The following SEMA3A variants were observed in gnomAD, a reference collection of about 807,000 sequenced individuals.
SEMA3A encodes semaphorin 3A, also known as semaphorin-3A.
In SEMA3A, 29 loss-of-function variants were observed where a neutral mutation model predicts 97.9. That is an observed-to-expected ratio of 0.30 (90% confidence interval 0.22 to 0.40). The LOEUF is 0.40. Among genes scored for constraint, SEMA3A ranks in the 10% least tolerant of loss-of-function variants. The pLI, the probability that SEMA3A is intolerant of heterozygous loss-of-function variation, is 1.00. For missense variants in SEMA3A, 763 were observed against 951.3 expected (o/e 0.80, Z 2.60); for synonymous variants, 321 against 323.7 (o/e 0.99, Z 0.09).
intron 4 of SEMA3A, among the ~76,000 whole-genome samples, chr7:84,086,979 T>C (rs1794401123): frequency 2.0e-5 from 3 of 152,116 alleles, no homozygotes; most frequent in Admixed American, 6.6e-5. Context: ...ATAATTTGGC[T>C]TAATCCCAGT....
At chr7:84,467,788 A>G (rs927592584) in intron 1 of SEMA3A, among the ~76,000 whole-genome samples, 1 of 152,160 alleles carries the variant, frequency 6.6e-6, no homozygotes, top group African/African-American at 2.4e-5. Context: ...TTCCTTTGAT[A>G]GAAAATACCT....
intron 2 of SEMA3A, among the ~76,000 whole-genome samples, chr7:84,345,468 T>C (rs1224350695): frequency 6.6e-6 from 1 of 152,208 alleles, no homozygotes; most frequent in Non-Finnish European, 1.5e-5. Flanking sequence ...AGCTGTTTGA[T>C]AGCACTTTAC....
intron 6 of SEMA3A, 138 bp from the exon 7 acceptor site, chr7:84,014,489 T>C: frequency 1.5e-6 from 1 of 673,190 alleles, no homozygotes; most frequent in Non-Finnish European, 2.5e-6. Context: ...ATTTTGTAGG[T>C]ACATATTAAT....
rs546794022 is a variant in SEMA3A, at chr7:84,050,795, C to T, written c.548-4352G>A. On this transcript the variant is annotated intron_variant, in intron 5 of 16. Transcript: ENST00000265362. ...ATGAAGTCCTTGCCCATGCTTATGT[C>T]CTGAATGGTAATGCCTAGGTTTTCT... Among the ~76,000 whole-genome samples, 97 of 152,120 alleles carry T rather than the reference C, an allele frequency of 6.4e-4. 1 individual carries two copies. In the South Asian group the frequency reaches 0.02, roughly 31 times the overall value.
At chr7:83,998,021 C>G (rs922091246) in intron 12 of SEMA3A, among the ~76,000 whole-genome samples, 1 of 151,912 alleles carries the variant, frequency 6.6e-6, no homozygotes, top group African/African-American at 2.4e-5. Flanking sequence ...CAGGTGTGAG[C>G]CACTGCACAA....
At chr7:84,109,987 C>T (rs539900643) in intron 4 of SEMA3A, among the ~76,000 whole-genome samples, 2 of 152,076 alleles carry the variant, frequency 1.3e-5, no homozygotes, top group East Asian at 1.9e-4. Context: ...GAAAAATATA[C>T]AATCAAAGCT....
chr7:84,465,381 T>C (rs569678734), intron 1 of SEMA3A, among the ~76,000 whole-genome samples: 3 of 152,276 alleles, frequency 2.0e-5, no homozygotes, highest in East Asian at 3.9e-4. Flanking sequence ...CTAAAGAACA[T>C]TGAAAACCAA....
intron 2 of SEMA3A, among the ~76,000 whole-genome samples, chr7:84,310,975 T>C (rs1043869954): frequency 7.0e-6 from 1 of 143,230 alleles, no homozygotes; most frequent in Admixed American, 7.2e-5. Flanking sequence ...GATTTCCAAG[T>C]GATTTTTATT....
chr7:84,414,956 GAACA>G (rs1376826684), intron 1 of SEMA3A, among the ~76,000 whole-genome samples: 4 of 151,634 alleles, frequency 2.6e-5, no homozygotes, highest in Non-Finnish European at 5.9e-5. Flanking sequence ...AAACCATGAG[GAACA>G]AATAAAAAAT....
intron 3 of SEMA3A, among the ~76,000 whole-genome samples, chr7:84,233,240 T>C (rs1287986407): frequency 6.6e-6 from 1 of 151,972 alleles, no homozygotes; most frequent in Non-Finnish European, 1.5e-5. Context: ...TTGTCTTGGG[T>C]AAAATTTATG....
At chr7:84,165,017 G>A (rs1490721134) in intron 1 of SEMA3A, among the ~76,000 whole-genome samples, 1 of 152,058 alleles carries the variant, frequency 6.6e-6, no homozygotes, top group Non-Finnish European at 1.5e-5. Context: ...AGACAATCCT[G>A]AGCAACATGG....
intron 1 of SEMA3A, among the ~76,000 whole-genome samples, chr7:84,467,993 TG>T (rs1282018762): frequency 1.1e-4 from 16 of 152,256 alleles, no homozygotes; most frequent in Admixed American, 3.9e-4. Context: ...CCAAGCAAAA[TG>T]TTTGTTGAAT....
chr7:84,407,791 G>A (rs1804142285), intron 1 of SEMA3A, among the ~76,000 whole-genome samples: 1 of 152,138 alleles, frequency 6.6e-6, no homozygotes, highest in African/African-American at 2.4e-5. Context: ...CGAGCAATGG[G>A]GAAGGGATTC....
intron 6 of SEMA3A, among the ~76,000 whole-genome samples, chr7:84,033,899 A>G (rs577077468): frequency 6.6e-6 from 1 of 152,174 alleles, no homozygotes; most frequent in South Asian, 2.1e-4. Flanking sequence ...GATTTCAGTG[A>G]TTTTACTATG....
At chr7:84,206,161 T>C (rs1357849363) in intron 3 of SEMA3A, among the ~76,000 whole-genome samples, 1 of 152,144 alleles carries the variant, frequency 6.6e-6, no homozygotes, top group East Asian at 1.9e-4. Context: ...AAAAATTACA[T>C]GATTGACACT....
In SEMA3A at chr7:84,405,067, G is replaced by A. The variant is rs1182975090; in HGVS notation, c.-245-33167C>T. On this transcript the variant is annotated intron_variant, in intron 1 of 3. Coordinates refer to the SEMA3A transcript ENST00000424555. ...CAATACTAACCTTAAATGTAAATGGGCTAAATGCTCCAATTAAAAGGCACA... is the reference window on the plus strand; with the variant it reads ...CAATACTAACCTTAAATGTAAATGGACTAAATGCTCCAATTAAAAGGCACA... Among the ~76,000 whole-genome samples the A allele has an allele frequency of 4.6e-5, 7 of 152,198 alleles. 1 individual carries two copies. The highest frequency in any genetic ancestry group is 3.9e-4 in the Admixed American group (6 of 15,278).
rs180962709 is a variant in SEMA3A at position 84,107,230 on chromosome 7, A to G, written c.453+3240T>C. On this transcript the variant is annotated intron_variant, in intron 4 of 16. Coordinates refer to ENST00000265362, the MANE Select transcript of SEMA3A (RefSeq NM_006080.3). ...ACTGTCTCTTTTTTTCAACTTCACC[A>G]ACAGCATAACAGTTTAAATCCAAAG... Among the ~76,000 whole-genome samples, 69 of 152,318 alleles carry G rather than the reference A, an allele frequency of 4.5e-4. 2 individuals are homozygous for G. The East Asian group carries it at 0.012, about 26-fold the overall frequency.
rs1376936153 is a variant in SEMA3A at position 84,001,071 on chromosome 7, T to C, written c.1452+884A>G. Among the ~76,000 whole-genome samples the C allele has an allele frequency of 1.3e-4, 6 of 47,894 alleles. No homozygotes were observed. In the East Asian group the frequency reaches 1.3e-3, roughly 11 times the overall value. The allele number at this position is 47,894 out of a possible 152,430, so 31.4% of individuals were successfully genotyped here. A position where few individuals can be genotyped will look rare whatever the true frequency, so the allele number is the denominator to read the frequency against. On this transcript the variant is annotated intron_variant, in intron 12 of 16. Transcript: ENST00000265362. ...TCTACCAACTTCTTCTAATACGTGT[T>C]TTTTTTTTTTGCAGTTATAAATATC...
rs781108685 is a variant in SEMA3A at position 84,020,035 on chromosome 7, C to CTTTTTTTTTTTTTT, written c.668-5698_668-5685dup. 1.5e-4 allele frequency among the ~76,000 whole-genome samples: 9 copies of CTTTTTTTTTTTTTT among 58,250 alleles called. 2 individuals carry two copies. The highest frequency in any genetic ancestry group is 2.2e-4 in the Non-Finnish European group (7 of 32,208). 38.2% of individuals were successfully genotyped at this position (58,250 alleles called of 152,430 possible). A position where few individuals can be genotyped will look rare whatever the true frequency, so the allele number is the denominator to read the frequency against. ...AATATTGTTAATGATTTTTTTCTTT[C>CTTTTTTTTTTTTTT]TTTTTTTTTTTTTTTTTTTTTTTTT... is the stretch of plus-strand genomic sequence containing the variant. On this transcript the variant is annotated intron_variant, in intron 6 of 16. Transcript: ENST00000265362.
Sources: allele counts gnomAD v4.1 joint callset (sites outside exome capture counted in the v4.1 genomes callset), GRCh38; gene constraint gnomAD v4.1.1; transcripts MANE v1.5; gene names NCBI Gene and HGNC (gene_info 2026-07-23, HGNC 2026-07-21).